PAICS: variants seen among roughly 807,000 people sequenced by gnomAD.
The protein encoded by PAICS is phosphoribosylaminoimidazole carboxylase and phosphoribosylaminoimidazolesuccinocarboxamide synthase.
In PAICS, 33 loss-of-function variants were observed where a neutral mutation model predicts 53.7. The observed-to-expected ratio is 0.61, with a 90% confidence interval of 0.47 to 0.82. PAICS has a LOEUF of 0.82. PAICS is among the 40% of genes least tolerant of loss of function. The pLI is 0.00. For synonymous variants in PAICS, 141 were observed against 167.2 expected (o/e 0.84, Z 1.21); for missense variants, 394 against 494.1 (o/e 0.80, Z 1.92).
chr4:56,418,126 C>T, the PAICS span, among the ~76,000 whole-genome samples: 1 of 151,886 alleles, frequency 6.6e-6, no homozygotes, highest in Admixed American at 6.6e-5. Flanking sequence ...CGTGAGCCAC[C>T]GCACCTGGCT....
At chr4:56,437,976 T>C (rs967691547) in intron 1 of PAICS, among the ~76,000 whole-genome samples, 1 of 152,094 alleles carries the variant, frequency 6.6e-6, no homozygotes, top group Non-Finnish European at 1.5e-5. Flanking sequence ...AAATCTTTGC[T>C]CTTCCACTTC....
rs1056391109 is a variant in PAICS at position 56,436,411 on chromosome 4, CTG to C, written c.16+85_16+86del. ...GCGGCCACGTGCGAGCCGCGAAACTCTGTCCCGCCTCCCTGCAGCAGCGCCTC... is the reference window on the plus strand; with the variant it reads ...GCGGCCACGTGCGAGCCGCGAAACTCTCCCGCCTCCCTGCAGCAGCGCCTC... On this transcript the variant is annotated intron_variant, in intron 1 of 8. Transcript: ENST00000512576. 21 of 1,119,644 alleles carry C rather than the reference CTG, an allele frequency of 1.9e-5. No individual in the cohort carries two copies. The African/African-American group carries it at 3.2e-4, about 17-fold the overall frequency. The allele number at this position is 1,119,644 out of a possible 1,614,324, so 69.4% of individuals were successfully genotyped here. A position where few individuals can be genotyped will look rare whatever the true frequency, so the allele number is the denominator to read the frequency against.
intron 1 of PAICS, among the ~76,000 whole-genome samples, chr4:56,438,416 TG>T (rs1184269465): frequency 9.4e-5 from 12 of 128,272 alleles, no homozygotes; most frequent in Admixed American, 2.4e-4. Flanking sequence ...AGGTTTTTTT[TG>T]TTGTTGTTTT....
chr4:56,424,353 C>T, the PAICS span, among the ~76,000 whole-genome samples: 3 of 152,140 alleles, frequency 2.0e-5, no homozygotes, highest in South Asian at 2.1e-4. Flanking sequence ...TATTTTTAGA[C>T]GGTTCTCAAG....
At position 56,452,066 on chromosome 4, in the gene PAICS, A is replaced by G; in HGVS notation, c.952+14A>G. The G allele has an allele frequency of 6.6e-7, 1 of 1,523,360 alleles. No individual in the cohort carries two copies. Among genetic ancestry groups the G allele is most frequent in the Non-Finnish European group, 9.0e-7 (1 of 1,110,500 alleles). 94.4% of individuals were successfully genotyped at this position (1,523,360 alleles called of 1,614,324 possible). On this transcript the variant is annotated intron_variant, in intron 7 of 8. Coordinates refer to ENST00000512576, the MANE Select transcript of PAICS (RefSeq NM_001079524.2). ...CTGAGTATGAAGGTAAACCACAAGT[A>G]ATATGGACATTTCAGGTATTTCTGA...
At chr4:56,416,234 C>A in the PAICS span, 2 of 153,042 alleles carry the variant, frequency 1.3e-5, no homozygotes, top group African/African-American at 4.8e-5. Flanking sequence ...CTATATTATA[C>A]AACTTTATTA....
upstream of PAICS, among the ~76,000 whole-genome samples, chr4:56,433,337 T>C (rs1013707074): frequency 4.0e-5 from 6 of 151,198 alleles, no homozygotes; most frequent in African/African-American, 1.5e-4. Context: ...TTACAATTCT[T>C]TCACAGAAAA....
At chr4:56,425,496 T>C in the PAICS span, 4 of 350,556 alleles carry the variant, frequency 1.1e-5, no homozygotes, top group Non-Finnish European at 1.6e-5. Flanking sequence ...TTGTTTATTA[T>C]GAAGTCATGA....
chr4:56,421,354 GTAA>G, the PAICS span: 3 of 153,024 alleles, frequency 2.0e-5, no homozygotes, highest in Non-Finnish European at 2.9e-5. Context: ...ATATTACAAC[GTAA>G]TAATAACAGA....
At position 56,453,543 on chromosome 4, in the gene PAICS, A is replaced by AC. The variant is rs869034556; in HGVS notation, c.953-57dup. The AC allele has an allele frequency of 5.7e-6, 7 of 1,238,482 alleles. No individual in the cohort carries two copies. The South Asian group carries it at 8.5e-5, about 15-fold the overall frequency. The allele number at this position is 1,238,482 out of a possible 1,614,324, so 76.7% of individuals were successfully genotyped here. A position where few individuals can be genotyped will look rare whatever the true frequency, so the allele number is the denominator to read the frequency against. On this transcript the variant is annotated intron_variant, in intron 7 of 8. Coordinates refer to ENST00000512576, the MANE Select transcript of PAICS (RefSeq NM_001079524.2). The stretch of plus-strand genomic sequence containing the variant: ...GGCCTTAAACCAAAAAAAAAAAAAA[A>AC]CCCTGTCTTTAAATCTGTTTTGAAT...
intron 2 of PAICS, among the ~76,000 whole-genome samples, chr4:56,445,976 A>G (rs1317444537): frequency 2.0e-5 from 3 of 152,016 alleles, no homozygotes; most frequent in Non-Finnish European, 4.4e-5. Flanking sequence ...TATACCTAAT[A>G]CTAGCTGACA....
upstream of PAICS, chr4:56,436,256 T>C (rs1380866977): frequency 1.3e-6 from 2 of 1,570,352 alleles, no homozygotes; most frequent in Non-Finnish European, 1.7e-6. Context: ...CACCCCTCTT[T>C]TCTAGAGTTC....
chr4:56,438,429 T>C (rs1190187250), intron 1 of PAICS, among the ~76,000 whole-genome samples: 1 of 147,044 alleles, frequency 6.8e-6, no homozygotes, highest in Non-Finnish European at 1.5e-5. Context: ...TGTTGTTTTT[T>C]GTTTGTTTTG....
upstream of PAICS, chr4:56,435,399 G>T: frequency 6.2e-7 from 1 of 1,613,778 alleles, no homozygotes. Context: ...GGTACATCCA[G>T]CTGCGTGGGC....
At chr4:56,419,779 G>A in the PAICS span, 1 of 984,772 alleles carries the variant, frequency 1.0e-6, no homozygotes, top group Non-Finnish European at 1.2e-6. Flanking sequence ...AGAAATAAGA[G>A]GATATTTCAA....
At chr4:56,446,310 C>A (rs546431367) in intron 2 of PAICS, 2 of 716,024 alleles carry the variant, frequency 2.8e-6, no homozygotes, top group African/African-American at 3.5e-5. Flanking sequence ...ACTCCTCAGC[C>A]CTTGGTAACT....
chr4:56,419,709 A>G, the PAICS span: 1 of 981,854 alleles, frequency 1.0e-6, no homozygotes, highest in Non-Finnish European at 1.2e-6. Context: ...GCCAGAAGTC[A>G]GGGCTCTAAT....
At position 56,443,246 on chromosome 4, in the gene PAICS, A is replaced by G. The variant is rs1250813649; in HGVS notation, c.214+1386A>G. Among the ~76,000 whole-genome samples the G allele has an allele frequency of 3.3e-5, 5 of 152,316 alleles. No homozygotes were observed. In the South Asian group the frequency reaches 6.2e-4, roughly 19 times the overall value. ...GCCCAGGCTGGAGTGCAGTGGCACA[A>G]TCTCGGATTACTGCAACCTCCATCT... On this transcript the variant is annotated intron_variant, in intron 2 of 8. Coordinates refer to ENST00000512576, the MANE Select transcript of PAICS (RefSeq NM_001079524.2).
the PAICS span, among the ~76,000 whole-genome samples, chr4:56,416,698 C>G: frequency 6.6e-6 from 1 of 152,164 alleles, no homozygotes; most frequent in Non-Finnish European, 1.5e-5. Flanking sequence ...GATGGCTAAA[C>G]TTACTCATAG....
Sources: gnomAD v4.1 joint callset for allele counts (sites outside exome capture counted in the v4.1 genomes callset) on GRCh38, gnomAD v4.1.1 for gene constraint, MANE v1.5 for transcripts, NCBI Gene and HGNC (gene_info 2026-07-23, HGNC 2026-07-21) for gene names.